The following PRELID2 variants were observed in gnomAD, a reference collection of about 807,000 sequenced individuals.
PRELID2 encodes PRELI domain-containing protein 2.
In PRELID2, 25 loss-of-function variants were observed where a neutral mutation model predicts 28.4. The observed-to-expected ratio is 0.88, with a 90% CI of 0.64 to 1.23. The LOEUF is 1.23. Among genes scored for constraint, PRELID2 ranks in the 50% most tolerant of loss-of-function variants. The pLI, the probability that PRELID2 is intolerant of heterozygous loss-of-function variation, is 0.00. For synonymous variants in PRELID2, 76 were observed against 71.6 expected (o/e 1.06, Z -0.31); for missense variants, 201 against 214.4 (o/e 0.94, Z 0.39).
the PRELID2 span, chr5:145,430,046 G>A: frequency 6.6e-6 from 1 of 152,150 alleles, no homozygotes; most frequent in African/African-American, 2.4e-5. Context: ...CCACCTATTG[G>A]GTCCTTAGTC....
At chr5:145,600,874 T>C (rs1007585903) in intron 1 of PRELID2, among the ~76,000 whole-genome samples, 1 of 152,172 alleles carries the variant, frequency 6.6e-6, no homozygotes, top group African/African-American at 2.4e-5. Context: ...AAGCCCAGGC[T>C]GGTGTGATGG....
chr5:145,786,163 G>A (rs145262396), intron 5 of PRELID2, among the ~76,000 whole-genome samples: 1 of 152,140 alleles, frequency 6.6e-6, no homozygotes, highest in Non-Finnish European at 1.5e-5. Flanking sequence ...TCAATACCCA[G>A]TATATATCAA....
chr5:145,258,923 A>G, the PRELID2 span, among the ~76,000 whole-genome samples: 1 of 152,228 alleles, frequency 6.6e-6, no homozygotes, highest in South Asian at 2.1e-4. Context: ...GGTTTCTTGT[A>G]CCAGGCCCAG....
At chr5:145,589,489 T>A (rs1341031482) in intron 1 of PRELID2, among the ~76,000 whole-genome samples, 1 of 152,210 alleles carries the variant, frequency 6.6e-6, no homozygotes, top group Non-Finnish European at 1.5e-5. Flanking sequence ...TTTGCCATCA[T>A]AACAGGCATA....
chr5:145,501,658 T>A (rs1333537518), intron 1 of PRELID2, among the ~76,000 whole-genome samples: 1 of 152,160 alleles, frequency 6.6e-6, no homozygotes, highest in Non-Finnish European at 1.5e-5. Flanking sequence ...TCCCCAGCCA[T>A]GTGGAACAGT....
chr5:145,741,055 A>G (rs1756702818), intron 1 of PRELID2, among the ~76,000 whole-genome samples: 1 of 117,256 alleles, frequency 8.5e-6, no homozygotes, highest in Admixed American at 1.0e-4. Flanking sequence ...CAAATAAAAT[A>G]TGTATATTAT....
At chr5:145,679,982 A>G (rs1754901478) in intron 1 of PRELID2, among the ~76,000 whole-genome samples, 1 of 151,900 alleles carries the variant, frequency 6.6e-6, no homozygotes, top group Non-Finnish European at 1.5e-5. Flanking sequence ...TTAAAGTTCC[A>G]ATGTTTGTAT....
Position 145,788,968 on chromosome 5 carries a change from A to G in PRELID2, c.474+7474T>C, listed in dbSNP as rs187519239. 4.0e-3 allele frequency among the ~76,000 whole-genome samples: 615 copies of G among 152,322 alleles called. 5 individuals carry two copies. Among genetic ancestry groups the G allele is most frequent in the Non-Finnish European group, 6.0e-3 (407 of 68,018 alleles). On this transcript the variant is annotated intron_variant, in intron 5 of 6. Transcript: ENST00000683046. ...AACCAACGCAGTAAAAGATCTCTAC[A>G]CTGAAAAGTATAAAACATGGACAAA... is the stretch of plus-strand genomic sequence containing the variant.
At chr5:145,824,793 T>G (rs2149877679) in intron 1 of PRELID2, among the ~76,000 whole-genome samples, 1 of 152,294 alleles carries the variant, frequency 6.6e-6, no homozygotes, top group African/African-American at 2.4e-5. Flanking sequence ...CCTCAATATC[T>G]CTTCATGTTT....
At chr5:145,360,573 T>C in the PRELID2 span, among the ~76,000 whole-genome samples, 2 of 152,182 alleles carry the variant, frequency 1.3e-5, no homozygotes, top group Non-Finnish European at 2.9e-5. Context: ...ATATTCAGTG[T>C]CCATTCTATA....
intron 1 of PRELID2, among the ~76,000 whole-genome samples, chr5:145,735,579 A>T (rs1318508677): frequency 6.6e-6 from 1 of 152,208 alleles, no homozygotes; most frequent in East Asian, 1.9e-4. Flanking sequence ...GTATAAAGAC[A>T]TTTATCTTTG....
chr5:145,338,170 T>C, the PRELID2 span: 1 of 152,214 alleles, frequency 6.6e-6, no homozygotes, highest in African/African-American at 2.4e-5. Context: ...TTACTCACTG[T>C]TGATGCTGCT....
rs368066613 is a variant in PRELID2, at chr5:145,817,918, C to T, written c.344G>A (p.Arg115Gln). 36 of 1,557,300 alleles carry T rather than the reference C, an allele frequency of 2.3e-5. No individual in the cohort carries two copies. The highest frequency in any genetic ancestry group is 4.5e-5 in the East Asian group (2 of 44,130). The change falls in exon 4 of 7, where the codon CGG (arginine) becomes CAG (glutamine). Residue 115 changes from arginine to glutamine, a missense_variant. Coordinates refer to ENST00000683046, the MANE Select transcript of PRELID2 (RefSeq NM_205846.3). The part of the protein sequence containing the change: ...YASMKEESVF[R>Q]ESMENPNWTE... Reference sequence around the variant, plus strand: ...CCAATTTGGGTTTTCCATACTTTCCCGGAAGACAGACTCTTCCTTCATGGA... The same window carrying T: ...CCAATTTGGGTTTTCCATACTTTCCTGGAAGACAGACTCTTCCTTCATGGA...
chr5:145,358,027 C>A, the PRELID2 span, among the ~76,000 whole-genome samples: 1 of 151,982 alleles, frequency 6.6e-6, no homozygotes, highest in Non-Finnish European at 1.5e-5. Context: ...TGGACGAGCC[C>A]TCTCTGATTA....
chr5:145,739,440 G>A (rs1756588067), intron 1 of PRELID2, among the ~76,000 whole-genome samples: 2 of 152,172 alleles, frequency 1.3e-5, no homozygotes, highest in Admixed American at 6.5e-5. Flanking sequence ...GGGAGGTGGA[G>A]GTTGCAGTGA....
the PRELID2 span, among the ~76,000 whole-genome samples, chr5:145,254,919 A>T: frequency 1.6e-5 from 2 of 127,930 alleles, no homozygotes; most frequent in African/African-American, 8.1e-5. Context: ...TCTGAATTAA[A>T]AAAAAAAAAA....
chr5:145,496,312 G>C (rs1299284000), intron 1 of PRELID2, among the ~76,000 whole-genome samples: 1 of 152,120 alleles, frequency 6.6e-6, no homozygotes, highest in Non-Finnish European at 1.5e-5. Context: ...GAGCAGAAGT[G>C]GCTAAAGAGC....
At chr5:145,387,573 G>T in the PRELID2 span, among the ~76,000 whole-genome samples, 3 of 152,094 alleles carry the variant, frequency 2.0e-5, no homozygotes, top group Admixed American at 2.0e-4. Flanking sequence ...AAAAACTGAA[G>T]TTGTTTTACT....
At chr5:145,424,905 C>A in the PRELID2 span, among the ~76,000 whole-genome samples, 25 of 152,128 alleles carry the variant, frequency 1.6e-4, no homozygotes, top group South Asian at 5.0e-3. Context: ...GCAACAGAAG[C>A]CAAAATTGAC....
Sources: gnomAD v4.1 joint callset for allele counts (sites outside exome capture counted in the v4.1 genomes callset) on GRCh38, gnomAD v4.1.1 for gene constraint, MANE v1.5 for transcripts, NCBI Gene and HGNC (gene_info 2026-07-23, HGNC 2026-07-21) for gene names.